ABLIM1: variants seen among roughly 807,000 people sequenced by gnomAD.
The protein encoded by ABLIM1 is actin-binding LIM protein 1.
ABLIM1 carries 40 observed loss-of-function variants against 107.0 expected under a neutral mutation model. The ratio of observed to expected loss-of-function variants is 0.37; its 90% CI spans 0.29 to 0.49. The LOEUF is 0.49. Among genes scored for constraint, ABLIM1 ranks in the 20% least tolerant of loss-of-function variants. The pLI, the probability that ABLIM1 is intolerant of heterozygous loss-of-function variation, is 0.97. For synonymous variants in ABLIM1, 357 were observed against 357.3 expected, an observed-to-expected ratio of 1.00 and a Z score of 0.01; for missense variants, 857 against 1,008.5, an observed-to-expected ratio of 0.85 and a Z score of 2.04.
intron 1 of ABLIM1, among the ~76,000 whole-genome samples, chr10:114,620,642 C>T (rs956241028): frequency 1.3e-5 from 2 of 152,072 alleles, no homozygotes; most frequent in Non-Finnish European, 2.9e-5. Context: ...GAACTCCTGA[C>T]CTCAAGTGAT....
chr10:114,693,222 A>G (rs1228118498), intron 1 of ABLIM1, among the ~76,000 whole-genome samples: 5 of 152,190 alleles, frequency 3.3e-5, no homozygotes, highest in Admixed American at 6.5e-5. Flanking sequence ...ACTTCCACCA[A>G]AGAAAATTCA....
intron 8 of ABLIM1, among the ~76,000 whole-genome samples, chr10:114,475,252 C>T (rs1430419899): frequency 6.6e-6 from 1 of 152,168 alleles, no homozygotes; most frequent in African/African-American, 2.4e-5. Context: ...GCCTGAAATG[C>T]CCTAGCTCCC....
At chr10:114,610,618 T>G (rs540153377) in intron 1 of ABLIM1, 1 of 152,296 alleles carries the variant, frequency 6.6e-6, no homozygotes, top group Admixed American at 6.5e-5. Context: ...AGTGCTTAAT[T>G]TGCAGTTTAC....
chr10:114,617,706 T>C (rs898371185), intron 1 of ABLIM1, among the ~76,000 whole-genome samples: 8 of 152,342 alleles, frequency 5.3e-5, no homozygotes, highest in African/African-American at 1.9e-4. Context: ...ATTGAGCACA[T>C]GGCACAGGCC....
intron 16 of ABLIM1, 81 bp downstream of exon 16, chr10:114,445,231 T>C (rs2060834116): frequency 2.4e-5 from 31 of 1,305,694 alleles, no homozygotes; most frequent in Non-Finnish European, 3.4e-5. Context: ...TCTAGATGGT[T>C]TATACATAGT....
intron 1 of ABLIM1, among the ~76,000 whole-genome samples, chr10:114,748,647 GTTTTTTTTTTTCTTTT>G (rs2082438065): frequency 7.2e-6 from 1 of 139,504 alleles, no homozygotes; most frequent in Admixed American, 7.2e-5. Context: ...AGCAACAGAA[GTTTTTTTTTTTCTTTT>G]TTTTTTTTTT....
At chr10:114,568,877 C>T (rs1322660345) in intron 4 of ABLIM1, among the ~76,000 whole-genome samples, 1 of 151,996 alleles carries the variant, frequency 6.6e-6, no homozygotes, top group Non-Finnish European at 1.5e-5. Context: ...TTTACATGTG[C>T]ATAACATGTA....
At chr10:114,528,271 C>T (rs917577046) in intron 6 of ABLIM1, among the ~76,000 whole-genome samples, 5 of 152,134 alleles carry the variant, frequency 3.3e-5, no homozygotes, top group East Asian at 1.9e-4. Context: ...TGCCCTGCCA[C>T]GTTTGTCATT....
At chr10:114,442,026 G>T (rs2060270226) in intron 17 of ABLIM1, among the ~76,000 whole-genome samples, 1 of 152,166 alleles carries the variant, frequency 6.6e-6, no homozygotes, top group South Asian at 2.1e-4. Flanking sequence ...AGCTGGCTGT[G>T]CTTCCTATAG....
At chr10:114,450,361 AT>A (rs1333922029) in intron 14 of ABLIM1, among the ~76,000 whole-genome samples, 1 of 147,932 alleles carries the variant, frequency 6.8e-6, no homozygotes, top group African/African-American at 2.5e-5. Context: ...TTGGTCTAAA[AT>A]TTTTTTCCTT....
intron 6 of ABLIM1, among the ~76,000 whole-genome samples, chr10:114,494,918 C>G (rs1388960423): frequency 1.3e-5 from 2 of 152,128 alleles, no homozygotes; most frequent in Non-Finnish European, 2.9e-5. Flanking sequence ...TATTAGGAAC[C>G]TAGTATATTG....
chr10:114,657,969 C>T lies in ABLIM1; in HGVS notation c.232G>A (p.Val78Ile), dbSNP rs149208687. 3.0e-4 allele frequency: 482 copies of T among 1,612,488 alleles called. 2 individuals are homozygous for T. The African/African-American group carries it at 3.3e-3, about 11-fold the overall frequency. The change falls in exon 1 of 23, where the codon GTT becomes ATT. Residue 78 changes from valine (V) to isoleucine (I), a missense_variant. Transcript: ENST00000533213. ...YCPRGRVCNS[V>I]DPFVAHPQDP... The stretch of plus-strand genomic sequence containing the variant: ...TTATTTTACTTACCAAAAGGATCAA[C>T]GCTGTTACATACACGCCCACGTGGG...
At chr10:114,494,466 C>G (rs1036407286) in intron 6 of ABLIM1, among the ~76,000 whole-genome samples, 1 of 152,146 alleles carries the variant, frequency 6.6e-6, no homozygotes, top group Non-Finnish European at 1.5e-5. Context: ...GCCTGGGAGG[C>G]TGAGGCTGCA....
chr10:114,526,676 T>G, intron 6 of ABLIM1: 1 of 985,518 alleles, frequency 1.0e-6, no homozygotes, highest in Non-Finnish European at 1.2e-6. Context: ...CCAGGGTTCC[T>G]TTTCTTCTAA....
intron 1 of ABLIM1, among the ~76,000 whole-genome samples, chr10:114,705,241 T>G (rs1188519731): frequency 6.6e-6 from 1 of 152,228 alleles, no homozygotes; most frequent in Non-Finnish European, 1.5e-5. Context: ...CGAAGAATTC[T>G]GACTTGACTA....
intron 6 of ABLIM1, chr10:114,526,863 A>G: frequency 2.0e-6 from 2 of 985,348 alleles, no homozygotes; most frequent in South Asian, 9.4e-5. Flanking sequence ...CCCTCTAGAG[A>G]CGCACTCCGG....
In ABLIM1 at chr10:114,448,604, T is replaced by TTTATTATTATTA. The variant is rs60805531; in HGVS notation, c.1595-596_1595-585dup. On this transcript the variant is annotated intron_variant, in intron 14 of 22. Transcript: ENST00000533213. ...CAAATATGTTGGTCCAGATCATTCT[T>TTTATTATTATTA]TTATTATTATTATTATTATTATTAT... is the stretch of plus-strand genomic sequence containing the variant. 8.0e-3 allele frequency among the ~76,000 whole-genome samples: 1,195 copies of TTTATTATTATTA among 149,812 alleles called. 9 individuals carry two copies. The highest frequency in any genetic ancestry group is 0.023 in the African/African-American group (940 of 40,324).
In ABLIM1 at chr10:114,712,353, G is replaced by GA. The variant is rs10583793; in HGVS notation, c.-213+55707dup. 3.6e-3 allele frequency among the ~76,000 whole-genome samples: 158 copies of GA among 44,066 alleles called. 3 individuals are homozygous for GA. Among genetic ancestry groups the GA allele is most frequent in the East Asian group, 0.02 (34 of 1,670 alleles). 28.9% of individuals were successfully genotyped at this position (44,066 alleles called of 152,430 possible). A position where few individuals can be genotyped will look rare whatever the true frequency, so the allele number is the denominator to read the frequency against. ...GGGTGACAGAGCGAGACTCCGTCTC[G>GA]AAAAAAAAAAAAAAAAAAAAAAAAG... On this transcript the variant is annotated intron_variant, in intron 1 of 15. Transcript: ENST00000651092.
intron 6 of ABLIM1, among the ~76,000 whole-genome samples, chr10:114,541,893 G>A (rs1173785384): frequency 5.7e-5 from 7 of 122,762 alleles, no homozygotes; most frequent in South Asian, 6.2e-4. Context: ...AAATCTGAAG[G>A]GAATCAACAC....
Sources: allele counts gnomAD v4.1 joint callset (sites outside exome capture counted in the v4.1 genomes callset), GRCh38; gene constraint gnomAD v4.1.1; transcripts MANE v1.5; gene names NCBI Gene and HGNC (gene_info 2026-07-23, HGNC 2026-07-21).